Variants in OXSR1 observed in about 807,000 individuals in gnomAD.
OXSR1 encodes the protein oxidative stress responsive kinase 1.
A neutral mutation model predicts 79.8 loss-of-function variants in OXSR1; 24 were observed. That is an observed-to-expected ratio of 0.30 (90% CI 0.22 to 0.42). OXSR1 has a LOEUF of 0.42. Among genes scored for constraint, OXSR1 ranks in the 10% least tolerant of loss-of-function variants. The probability of loss-of-function intolerance (pLI) is 1.00; values close to 1 mark genes in which losing one functional copy is unlikely to be tolerated. For missense variants in OXSR1, 430 were observed against 618.4 expected, an observed-to-expected ratio of 0.70 and a Z score of 3.23; for synonymous variants, 226 against 209.2, an observed-to-expected ratio of 1.08 and a Z score of -0.69.
chr3:38,206,461 G>A (rs1461791353), intron 4 of OXSR1, among the ~76,000 whole-genome samples: 1 of 149,684 alleles, frequency 6.7e-6, no homozygotes, highest in Non-Finnish European at 1.5e-5. Context: ...GAATTTCTTT[G>A]TGCCTGAAAT....
chr3:38,252,480 G>A (rs1435410354), intron 17 of OXSR1, 88 bp downstream of exon 17: 3 of 901,006 alleles, frequency 3.3e-6, no homozygotes, highest in Non-Finnish European at 3.8e-6. Context: ...CCTGAGTGAT[G>A]AGAATATTAA....
At chr3:38,201,506 T>C (rs942801377) in intron 4 of OXSR1, among the ~76,000 whole-genome samples, 1 of 151,864 alleles carries the variant, frequency 6.6e-6, no homozygotes, top group Admixed American at 6.6e-5. Context: ...GTCAGAAGAT[T>C]GAGACCATCC....
Position 38,255,061 on chromosome 3 carries a change from A to G in OXSR1, c.*2170A>G, listed in dbSNP as rs868064704. ...TTGTGCAGTGATACTGAGAAAATACATGAACAGAAACTGCCCAGGTGGAAC... is the reference window on the plus strand; with the variant it reads ...TTGTGCAGTGATACTGAGAAAATACGTGAACAGAAACTGCCCAGGTGGAAC... On this transcript the variant is annotated 3_prime_UTR_variant, in exon 18 of 18. Transcript: ENST00000311806. 6.6e-6 allele frequency: 1 copy of G among 152,664 alleles called. No homozygotes were observed. The highest frequency in any genetic ancestry group is 2.4e-5 in the African/African-American group (1 of 41,450). 9.5% of individuals were successfully genotyped at this position (152,664 alleles called of 1,614,324 possible).
At chr3:38,172,121 C>T (rs2125800723) in intron 1 of OXSR1, among the ~76,000 whole-genome samples, 1 of 152,266 alleles carries the variant, frequency 6.6e-6, no homozygotes, top group South Asian at 2.1e-4. Flanking sequence ...CCCTTGTCCT[C>T]ATATTTCCCA....
intron 5 of OXSR1, among the ~76,000 whole-genome samples, chr3:38,219,251 GA>G (rs1277685021): frequency 6.6e-6 from 1 of 152,104 alleles, no homozygotes; most frequent in African/African-American, 2.4e-5. Flanking sequence ...ACCAGCTGAA[GA>G]TACAAAAATT....
In OXSR1 at chr3:38,223,391, CAA is replaced by C. The variant is rs761607967; in HGVS notation, c.601-419_601-418del. On this transcript the variant is annotated intron_variant, in intron 6 of 17. Transcript: ENST00000311806. ...ACCTCATCCTCCCACCTCAGCCTCT[CAA>C]AGTGTTGGGATTACAGGCAAGAGCC... 3.3e-5 allele frequency among the ~76,000 whole-genome samples: 5 copies of C among 151,784 alleles called. No individual in the cohort carries two copies. The East Asian group carries it at 9.7e-4, about 29-fold the overall frequency.
At chr3:38,185,867 C>A (rs1701875184) in intron 2 of OXSR1, among the ~76,000 whole-genome samples, 1 of 145,138 alleles carries the variant, frequency 6.9e-6, no homozygotes, top group Admixed American at 7.2e-5. Context: ...ATTGCTTGAG[C>A]CCAGGATGTT....
chr3:38,175,075 T>A (rs189134127), intron 1 of OXSR1, among the ~76,000 whole-genome samples: 25 of 152,330 alleles, frequency 1.6e-4, no homozygotes, highest in Non-Finnish European at 2.5e-4. Context: ...ATTCTTATGT[T>A]TTGTGTGGTT....
chr3:38,212,595 A>G (rs935933156), intron 4 of OXSR1, among the ~76,000 whole-genome samples: 5 of 152,206 alleles, frequency 3.3e-5, no homozygotes, highest in Non-Finnish European at 5.9e-5. Context: ...AATGGTGCCT[A>G]TTGATGAGTA....
In OXSR1 at chr3:38,254,822, C is replaced by G. The variant is rs1457108688; in HGVS notation, c.*1931C>G. 1 of 152,420 alleles carries G rather than the reference C, an allele frequency of 6.6e-6. No homozygotes were observed. Among genetic ancestry groups the G allele is most frequent in the African/African-American group, 2.4e-5 (1 of 41,362 alleles). The allele number at this position is 152,420 out of a possible 1,614,324, so 9.4% of individuals were successfully genotyped here. A position where few individuals can be genotyped will look rare whatever the true frequency, so the allele number is the denominator to read the frequency against. ...TTTGTGGAGATGGTCTGGTGCCTAG[C>G]TGGGAGTGAGCAGCAGCCCATCCCC... On this transcript the variant is annotated 3_prime_UTR_variant, in exon 18 of 18. Transcript: ENST00000311806.
At chr3:38,190,584 G>C in intron 2 of OXSR1, 147 bp from the exon 3 acceptor site, 1 of 593,596 alleles carries the variant, frequency 1.7e-6, no homozygotes, top group Admixed American at 3.0e-5. Flanking sequence ...GGTTTTATTG[G>C]TTTAACCCTT....
intron 10 of OXSR1, among the ~76,000 whole-genome samples, chr3:38,233,954 AT>A (rs1403210710): frequency 6.6e-6 from 1 of 152,212 alleles, no homozygotes; most frequent in Non-Finnish European, 1.5e-5. Flanking sequence ...AAAAGTGAAC[AT>A]GACACTGTTA....
intron 1 of OXSR1, among the ~76,000 whole-genome samples, chr3:38,176,959 G>T (rs1449711075): frequency 6.6e-6 from 1 of 152,210 alleles, no homozygotes; most frequent in Non-Finnish European, 1.5e-5. Flanking sequence ...CAGGTTTTAT[G>T]TATATAAGAT....
intron 4 of OXSR1, among the ~76,000 whole-genome samples, chr3:38,199,272 T>C (rs1269400347): frequency 1.3e-5 from 2 of 151,648 alleles, no homozygotes; most frequent in Non-Finnish European, 2.9e-5. Context: ...TAGCCTTTTT[T>C]CTTTTTTTTT....
At chr3:38,202,622 T>C (rs1702184864) in intron 4 of OXSR1, among the ~76,000 whole-genome samples, 1 of 152,224 alleles carries the variant, frequency 6.6e-6, no homozygotes, top group African/African-American at 2.4e-5. Flanking sequence ...GAAAATAGAA[T>C]AAGAATAGTC....
chr3:38,246,245 T>C, intron 13 of OXSR1, 24 bp downstream of exon 13: 1 of 1,612,466 alleles, frequency 6.2e-7, no homozygotes, highest in Middle Eastern at 1.7e-4. Context: ...TATGGTTTCA[T>C]GGTCACTCCT....
At chr3:38,201,428 G>A (rs1277112076) in intron 4 of OXSR1, among the ~76,000 whole-genome samples, 3 of 151,034 alleles carry the variant, frequency 2.0e-5, no homozygotes, top group South Asian at 4.2e-4. Context: ...ATCCAGATAC[G>A]GGCCAGGCAT....
intron 8 of OXSR1, 54 bp from the exon 9 acceptor site, chr3:38,229,633 C>A: frequency 6.9e-7 from 1 of 1,443,892 alleles, no homozygotes; most frequent in Non-Finnish European, 9.7e-7. Flanking sequence ...TGGAATCTGA[C>A]ATTACACTTG....
chr3:38,165,211 G>C (rs34466698), upstream of OXSR1: 2,082 of 152,428 alleles, frequency 0.014, 57 homozygotes, highest in Admixed American at 0.059. Context: ...CAATGAATGC[G>C]ACGACGGAGA....
Sources: gnomAD v4.1 joint callset for allele counts (sites outside exome capture counted in the v4.1 genomes callset) on GRCh38, gnomAD v4.1.1 for gene constraint, MANE v1.5 for transcripts, NCBI Gene and HGNC (gene_info 2026-07-23, HGNC 2026-07-21) for gene names.